The following CCNJL variants were observed in gnomAD, a reference collection of about 807,000 sequenced individuals.
The protein encoded by CCNJL is cyclin-J-like protein.
Under a neutral mutation model 33.4 loss-of-function variants are expected in CCNJL, and 33 were observed. The observed-to-expected ratio is 0.99, with a 90% CI of 0.75 to 1.32. The LOEUF is 1.32. CCNJL is among the 40% of genes most tolerant of loss of function. The pLI, the probability that CCNJL is intolerant of heterozygous loss-of-function variation, is 0.00. For synonymous variants in CCNJL, 227 were observed against 220.9 expected (o/e 1.03, Z -0.24); for missense variants, 512 against 499.7 (o/e 1.02, Z -0.23).
intron 1 of CCNJL, among the ~76,000 whole-genome samples, chr5:160,318,310 C>G (rs536458431): frequency 6.6e-5 from 10 of 152,352 alleles, no homozygotes; most frequent in African/African-American, 2.4e-4. Context: ...AGCCACCACG[C>G]CGGGCCATGT....
intron 1 of CCNJL, among the ~76,000 whole-genome samples, chr5:160,321,550 A>G (rs1763465296): frequency 6.6e-6 from 1 of 152,240 alleles, no homozygotes. Context: ...GAGGGGACTC[A>G]GGCTTGGGGT....
At chr5:160,320,571 G>A (rs1197657317) in intron 1 of CCNJL, among the ~76,000 whole-genome samples, 5 of 152,238 alleles carry the variant, frequency 3.3e-5, no homozygotes, top group Non-Finnish European at 5.9e-5. Flanking sequence ...AGGAAGCAGT[G>A]TGGAGCGATG....
intron 3 of CCNJL, among the ~76,000 whole-genome samples, chr5:160,265,823 A>G (rs925394736): frequency 1.3e-5 from 2 of 151,106 alleles, no homozygotes; most frequent in African/African-American, 4.9e-5. Flanking sequence ...ACTGCACTCT[A>G]GCCTGGGCGA....
intron 2 of CCNJL, among the ~76,000 whole-genome samples, chr5:160,297,206 G>A (rs755355102): frequency 2.0e-5 from 3 of 152,164 alleles, no homozygotes; most frequent in Non-Finnish European, 4.4e-5. Context: ...TTGGGTCATG[G>A]TTTCTCCTGG....
chr5:160,315,226 A>G (rs1763365824), upstream of CCNJL, among the ~76,000 whole-genome samples: 1 of 152,112 alleles, frequency 6.6e-6, no homozygotes, highest in South Asian at 2.1e-4. Context: ...CTGTAATCCT[A>G]GCACACTGGC....
chr5:160,292,842 T>C (rs1422471682), intron 2 of CCNJL, among the ~76,000 whole-genome samples: 1 of 152,220 alleles, frequency 6.6e-6, no homozygotes, highest in East Asian at 1.9e-4. Flanking sequence ...ACTATGCACC[T>C]AGCAGTCATT....
intron 1 of CCNJL, among the ~76,000 whole-genome samples, chr5:160,331,809 C>A (rs1248941852): frequency 6.6e-6 from 1 of 152,176 alleles, no homozygotes; most frequent in Non-Finnish European, 1.5e-5. Context: ...ATGGGTTTTC[C>A]ATTTGGCTGA....
At chr5:160,323,942 T>G (rs1208790054) in intron 1 of CCNJL, among the ~76,000 whole-genome samples, 1 of 152,236 alleles carries the variant, frequency 6.6e-6, no homozygotes, top group Non-Finnish European at 1.5e-5. Flanking sequence ...CTCACCTGCA[T>G]TCCGACGGGG....
chr5:160,300,506 A>G (rs1331634330), intron 2 of CCNJL, among the ~76,000 whole-genome samples: 5 of 152,174 alleles, frequency 3.3e-5, no homozygotes, highest in Non-Finnish European at 7.4e-5. Flanking sequence ...ACAAACTCCT[A>G]AACTTTCTTA....
At chr5:160,303,523 CA>C (rs35657484) in intron 2 of CCNJL, among the ~76,000 whole-genome samples, 16,968 of 127,996 alleles carry the variant, frequency 0.13, 1,067 homozygotes, top group East Asian at 0.24. Context: ...TCCATTTTTA[CA>C]AAAAAAAAAA....
At chr5:160,335,064 A>G (rs186163705) in intron 1 of CCNJL, among the ~76,000 whole-genome samples, 1 of 152,336 alleles carries the variant, frequency 6.6e-6, no homozygotes, top group African/African-American at 2.4e-5. Context: ...GAAGTTTGAG[A>G]CCAGCCTGGC....
rs564038231 is a variant in CCNJL, at chr5:160,265,324, G to C, written c.281-5553C>G. On this transcript the variant is annotated intron_variant, in intron 3 of 5. Coordinates refer to ENST00000257536, the MANE Select transcript of CCNJL (RefSeq NM_001308173.3). ...GAAACAGGTTTTAAAGCCACAGCTG[G>C]CTACTTTTCTTCCCTAAAGAAATGC... Among the ~76,000 whole-genome samples, 5 of 152,268 alleles carry C rather than the reference G, an allele frequency of 3.3e-5. No homozygotes were observed. In the South Asian group the frequency reaches 1.0e-3, roughly 32 times the overall value.
intron 2 of CCNJL, among the ~76,000 whole-genome samples, chr5:160,293,773 G>A (rs6899125): frequency 0.18 from 26,841 of 152,178 alleles, 2,837 homozygotes; most frequent in Non-Finnish European, 0.23. Context: ...CACACTGCAG[G>A]TGAGTGGTAA....
intron 4 of CCNJL, among the ~76,000 whole-genome samples, chr5:160,256,525 G>A (rs769717837): frequency 6.6e-6 from 1 of 152,216 alleles, no homozygotes; most frequent in East Asian, 1.9e-4. Flanking sequence ...ATCTGGCCAC[G>A]AGGAAAAGCT....
chr5:160,290,559 T>C (rs572843858), intron 2 of CCNJL, among the ~76,000 whole-genome samples: 2 of 152,266 alleles, frequency 1.3e-5, no homozygotes, highest in South Asian at 2.1e-4. Flanking sequence ...TGAGCTACCA[T>C]GCCTGGCCTA....
chr5:160,250,923 T>TC lies in CCNJL; in HGVS notation c.*2454dup. 1 of 152,176 alleles carries TC rather than the reference T, an allele frequency of 6.6e-6. No homozygotes were observed. The allele number at this position is 152,176 out of a possible 1,614,324, so 9.4% of individuals were successfully genotyped here. The stretch of plus-strand genomic sequence containing the variant: ...ACCCTATGAGGCAAGGTGTTATCAC[T>TC]CCCATTTTAACAGGTGACAAGATGG... On this transcript the variant is annotated 3_prime_UTR_variant, in exon 6 of 6. Coordinates refer to ENST00000257536, the MANE Select transcript of CCNJL (RefSeq NM_001308173.3).
At chr5:160,257,744 T>C (rs1158407908) in intron 4 of CCNJL, among the ~76,000 whole-genome samples, 2 of 152,102 alleles carry the variant, frequency 1.3e-5, no homozygotes, top group Non-Finnish European at 2.9e-5. Flanking sequence ...GATTTTGGTG[T>C]GGGGTTGCTG....
chr5:160,256,444 G>T (rs1440227747), intron 4 of CCNJL, among the ~76,000 whole-genome samples: 3 of 152,212 alleles, frequency 2.0e-5, no homozygotes, highest in Admixed American at 6.5e-5. Context: ...ATGAGTGGTT[G>T]TAAGACTTTG....
chr5:160,320,842 T>C (rs12518373), intron 1 of CCNJL, among the ~76,000 whole-genome samples: 8,242 of 82,066 alleles, frequency 0.1, 179 homozygotes, highest in Middle Eastern at 0.13. Context: ...TCTTTCTTTC[T>C]TTCTTTCCTT....
Sources: gnomAD v4.1 joint callset for allele counts (sites outside exome capture counted in the v4.1 genomes callset) on GRCh38, gnomAD v4.1.1 for gene constraint, MANE v1.5 for transcripts, NCBI Gene and HGNC (gene_info 2026-07-23, HGNC 2026-07-21) for gene names.